KHDRBS2: variants seen among roughly 807,000 people sequenced by gnomAD.
The protein encoded by KHDRBS2 is KH RNA binding domain containing, signal transduction associated 2.
Under a neutral mutation model 44.3 loss-of-function variants are expected in KHDRBS2, and 26 were observed. The observed-to-expected ratio is 0.59, with a 90% confidence interval of 0.43 to 0.81. The LOEUF (loss-of-function observed/expected upper bound fraction) is 0.81. Ranked by LOEUF, KHDRBS2 falls within the 40% of genes least tolerant of loss-of-function variation. The pLI is 0.00. For synonymous variants in KHDRBS2, 194 were observed against 151.1 expected (o/e 1.28, Z -2.08); for missense variants, 476 against 433.1 (o/e 1.10, Z -0.88).
intron 2 of KHDRBS2, among the ~76,000 whole-genome samples, chr6:62,075,844 C>G (rs1796219428): frequency 6.6e-6 from 1 of 151,572 alleles, no homozygotes; most frequent in South Asian, 2.1e-4. Context: ...TCTCTGTGGT[C>G]TAATCTCTGT....
chr6:62,237,518 A>G (rs1302218141), intron 1 of KHDRBS2, among the ~76,000 whole-genome samples: 1 of 152,198 alleles, frequency 6.6e-6, no homozygotes, highest in East Asian at 1.9e-4. Flanking sequence ...ATGCTATCAA[A>G]AAGCAGAAAC....
chr6:61,942,940 G>T (rs980493093), intron 4 of KHDRBS2, among the ~76,000 whole-genome samples: 2 of 127,870 alleles, frequency 1.6e-5, no homozygotes, highest in Non-Finnish European at 3.2e-5. Flanking sequence ...GAAAGAAAAA[G>T]AAAAAGAAAG....
chr6:61,751,607 G>A (rs191216684), intron 6 of KHDRBS2, among the ~76,000 whole-genome samples: 166 of 152,270 alleles, frequency 1.1e-3, no homozygotes, highest in African/African-American at 3.9e-3. Context: ...GTTGTGTAGT[G>A]CTGTATTTTG....
intron 1 of KHDRBS2, among the ~76,000 whole-genome samples, chr6:62,213,829 A>AAGT (rs1829505402): frequency 7.3e-6 from 1 of 137,850 alleles, no homozygotes; most frequent in African/African-American, 2.7e-5. Flanking sequence ...AGCCGAGATC[A>AAGT]CGCCACTGCA....
intron 2 of KHDRBS2, among the ~76,000 whole-genome samples, chr6:62,167,274 C>T (rs572758489): frequency 2.6e-5 from 4 of 151,720 alleles, no homozygotes; most frequent in South Asian, 2.1e-4. Flanking sequence ...AGGACATATT[C>T]GTAAGGGGTC....
rs552269200 is a variant in KHDRBS2 at position 62,286,197 on chromosome 6, G to T, written c.-249C>A. ...GCGCAGAGCCCCGGCTCACACCAGC[G>T]GCCTTAACTGGAGAGGCGGGAACAG... is the stretch of plus-strand genomic sequence containing the variant. On this transcript the variant is annotated 5_prime_UTR_variant, in exon 1 of 9. Coordinates refer to ENST00000281156, the MANE Select transcript of KHDRBS2 (RefSeq NM_152688.4). 42 of 509,438 alleles carry T rather than the reference G, an allele frequency of 8.2e-5. No individual in the cohort carries two copies. Among genetic ancestry groups the T allele is most frequent in the African/African-American group, 6.8e-4 (33 of 48,796 alleles). 31.6% of individuals were successfully genotyped at this position (509,438 alleles called of 1,614,324 possible).
intron 1 of KHDRBS2, among the ~76,000 whole-genome samples, chr6:62,207,238 T>C (rs1395910164): frequency 6.6e-6 from 1 of 152,056 alleles, no homozygotes; most frequent in Non-Finnish European, 1.5e-5. Flanking sequence ...GATAAAGCAT[T>C]ATATAAAAAT....
intron 2 of KHDRBS2, among the ~76,000 whole-genome samples, chr6:62,125,507 A>G (rs1469147639): frequency 2.0e-5 from 3 of 152,190 alleles, no homozygotes; most frequent in Non-Finnish European, 4.4e-5. Context: ...TCAGTGAGAT[A>G]CTAGCCGGGG....
At chr6:61,648,695 G>A in the KHDRBS2 span, among the ~76,000 whole-genome samples, 1 of 152,258 alleles carries the variant, frequency 6.6e-6, no homozygotes, top group Middle Eastern at 3.4e-3. Flanking sequence ...CATCCTGACT[G>A]GGGAGGGAAG....
At chr6:62,047,595 C>G (rs1280462478) in intron 3 of KHDRBS2, among the ~76,000 whole-genome samples, 1 of 151,748 alleles carries the variant, frequency 6.6e-6, no homozygotes, top group Non-Finnish European at 1.5e-5. Flanking sequence ...TAGAAACATT[C>G]TACAGAGGAC....
At chr6:61,867,242 G>A (rs544280730) in intron 6 of KHDRBS2, among the ~76,000 whole-genome samples, 2 of 152,302 alleles carry the variant, frequency 1.3e-5, no homozygotes, top group East Asian at 1.9e-4. Context: ...AACAAGTCAT[G>A]TCTTACATGT....
intron 1 of KHDRBS2, among the ~76,000 whole-genome samples, chr6:62,224,028 T>C (rs1233388600): frequency 6.6e-6 from 1 of 152,168 alleles, no homozygotes; most frequent in African/African-American, 2.4e-5. Context: ...CAACTCCTCA[T>C]TCGCAGTACC....
chr6:62,199,172 T>G (rs1301447357), intron 1 of KHDRBS2, among the ~76,000 whole-genome samples: 2 of 152,152 alleles, frequency 1.3e-5, no homozygotes, highest in African/African-American at 4.8e-5. Flanking sequence ...CTTTGAAAAC[T>G]GGCACAAGAC....
chr6:61,947,263 C>T (rs1813568946), intron 4 of KHDRBS2, among the ~76,000 whole-genome samples: 1 of 152,128 alleles, frequency 6.6e-6, no homozygotes, highest in Non-Finnish European at 1.5e-5. Context: ...AGAAGCTCAA[C>T]AGAACACAAC....
chr6:62,237,750 A>T (rs937426233), intron 1 of KHDRBS2, among the ~76,000 whole-genome samples: 2 of 152,184 alleles, frequency 1.3e-5, no homozygotes, highest in Admixed American at 1.3e-4. Flanking sequence ...ATATCAAGAA[A>T]AATATTGAGG....
chr6:61,993,831 A>T (rs1338130212), intron 3 of KHDRBS2, among the ~76,000 whole-genome samples: 2 of 151,840 alleles, frequency 1.3e-5, no homozygotes, highest in Non-Finnish European at 2.9e-5. Context: ...TAAACCTTGT[A>T]ATAGGTTAAT....
the KHDRBS2 span, among the ~76,000 whole-genome samples, chr6:61,611,909 T>G: frequency 1.3e-5 from 2 of 152,170 alleles, no homozygotes; most frequent in Non-Finnish European, 2.9e-5. Context: ...TAGCTCCCAA[T>G]TATAAGTGAG....
the KHDRBS2 span, among the ~76,000 whole-genome samples, chr6:61,563,393 C>A: frequency 2.0e-5 from 3 of 152,050 alleles, no homozygotes; most frequent in African/African-American, 7.2e-5. Context: ...GGTTTTAAAC[C>A]TCCTTAATTT....
chr6:61,889,972 C>T (rs1801568842), intron 6 of KHDRBS2, among the ~76,000 whole-genome samples: 1 of 152,218 alleles, frequency 6.6e-6, no homozygotes, highest in Non-Finnish European at 1.5e-5. Flanking sequence ...TTTGCTCAAA[C>T]GTCTCCACTT....
Sources: allele counts gnomAD v4.1 joint callset (sites outside exome capture counted in the v4.1 genomes callset), GRCh38; gene constraint gnomAD v4.1.1; transcripts MANE v1.5; gene names NCBI Gene and HGNC (gene_info 2026-07-23, HGNC 2026-07-21).